EMP2: variants seen among roughly 807,000 people sequenced by gnomAD.
EMP2 encodes the protein epithelial membrane protein 2.
In EMP2, 19 loss-of-function variants were observed where a neutral mutation model predicts 13.7. The observed-to-expected ratio is 1.38, with a 90% CI of 0.97 to 2.03. The LOEUF (loss-of-function observed/expected upper bound fraction) is 2.03, where lower values mean the gene tolerates loss of function less well. Among genes scored for constraint, EMP2 ranks in the 30% most tolerant of loss-of-function variants. EMP2 has a pLI of 0.00. For missense variants in EMP2, 253 were observed against 220.7 expected, an observed-to-expected ratio of 1.15 and a Z score of -0.93; for synonymous variants, 97 against 84.7, an observed-to-expected ratio of 1.15 and a Z score of -0.80.
At chr16:10,578,330 T>G (rs2050998776) in intron 1 of EMP2, 1 of 152,122 alleles carries the variant, frequency 6.6e-6, no homozygotes, top group Non-Finnish European at 1.5e-5. Flanking sequence ...ACGAAGATAT[T>G]ATGTGAGAGG....
At chr16:10,555,487 A>G (rs2050820576) in intron 1 of EMP2, among the ~76,000 whole-genome samples, 1 of 152,246 alleles carries the variant, frequency 6.6e-6, no homozygotes, top group Non-Finnish European at 1.5e-5. Flanking sequence ...TTTGATCTAC[A>G]TAAAATGATG....
At position 10,580,312 on chromosome 16, in the gene EMP2, A is replaced by G. The variant is rs2051018482; in HGVS notation, c.-61+237T>C. Among the ~76,000 whole-genome samples, 1 of 152,118 alleles carries G rather than the reference A, an allele frequency of 6.6e-6. No individual in the cohort carries two copies. The highest frequency in any genetic ancestry group is 2.4e-5 in the African/African-American group (1 of 41,422). On this transcript the variant is annotated intron_variant, in intron 1 of 4. Transcript: ENST00000359543. The surrounding 1 kb of genome is among the most constrained non-coding windows in gnomAD (Gnocchi z 4.3). ...AAACTTTTCCCGCCTGCTTCGGCTC[A>G]AAAGGCGTGGGAAGCTGTCCCGGGA...
chr16:10,547,476 A>G, intron 2 of EMP2, 64 bp downstream of exon 2: 1 of 1,560,888 alleles, frequency 6.4e-7, no homozygotes, highest in South Asian at 1.1e-5. Context: ...ACAGACCAAT[A>G]CAACCCACTT....
rs2050588331 is a variant in EMP2, at chr16:10,530,324, A to G, written c.*2581T>C. On this transcript the variant is annotated 3_prime_UTR_variant, in exon 5 of 5. Transcript: ENST00000359543. ...CTATCTGTCAAAAACAAATGAATGA[A>G]AGAGCAGATGGAAAGAGCCAATCCT... The G allele has an allele frequency of 6.6e-6, 1 of 152,410 alleles. No individual in the cohort carries two copies. Among genetic ancestry groups the G allele is most frequent in the Non-Finnish European group, 1.5e-5 (1 of 68,048 alleles). 9.4% of individuals were successfully genotyped at this position (152,410 alleles called of 1,614,324 possible).
chr16:10,532,848 A>C lies in EMP2; in HGVS notation c.*57T>G. ...CTCAAAAAATAATGATTATATACAA[A>C]ATGGTTATCTGAATGTGGATTCTGT... On this transcript the variant is annotated 3_prime_UTR_variant, in exon 5 of 5. Transcript: ENST00000359543. The C allele has an allele frequency of 2.4e-6, 3 of 1,266,900 alleles. No homozygotes were observed. Among genetic ancestry groups the C allele is most frequent in the Non-Finnish European group, 3.0e-6 (3 of 990,522 alleles). 78.5% of individuals were successfully genotyped at this position (1,266,900 alleles called of 1,614,324 possible). A position where few individuals can be genotyped will look rare whatever the true frequency, so the allele number is the denominator to read the frequency against.
chr16:10,539,982 A>T lies in EMP2; in HGVS notation c.170-1908T>A, dbSNP rs141222388. Among the ~76,000 whole-genome samples, 44 of 152,292 alleles carry T rather than the reference A, an allele frequency of 2.9e-4. No homozygotes were observed. The East Asian group carries it at 8.1e-3, about 28-fold the overall frequency. Reference sequence around the variant, plus strand: ...CTACCATTGTCCTGGAGTGGGCACCAGGAATCTGTATTTTCAGCAACAAGT... The same window carrying T: ...CTACCATTGTCCTGGAGTGGGCACCTGGAATCTGTATTTTCAGCAACAAGT... On this transcript the variant is annotated intron_variant, in intron 3 of 4. Transcript: ENST00000359543.
intron 1 of EMP2, among the ~76,000 whole-genome samples, chr16:10,562,692 A>G (rs529158914): frequency 1.3e-5 from 2 of 152,342 alleles, no homozygotes; most frequent in East Asian, 3.9e-4. Flanking sequence ...GCAAGAGCTA[A>G]CTGATACAGT....
rs2050592274 is a variant in EMP2, at chr16:10,530,690, C to G, written c.*2215G>C. ...CTTAAAATCACCTGGAAATCATTCA[C>G]CCAGACCCTCTGAATCAGCCTGTCC... On this transcript the variant is annotated 3_prime_UTR_variant, in exon 5 of 5. Transcript: ENST00000359543. 1 of 152,462 alleles carries G rather than the reference C, an allele frequency of 6.6e-6. No individual in the cohort carries two copies. Among genetic ancestry groups the G allele is most frequent in the African/African-American group, 2.4e-5 (1 of 41,430 alleles). The allele number at this position is 152,462 out of a possible 1,614,324, so 9.4% of individuals were successfully genotyped here.
intron 1 of EMP2, among the ~76,000 whole-genome samples, chr16:10,570,563 A>T (rs901324568): frequency 1.3e-5 from 2 of 151,964 alleles, no homozygotes; most frequent in Non-Finnish European, 2.9e-5. Context: ...ACACCTGGCT[A>T]ATTTTTGTAT....
intron 3 of EMP2, among the ~76,000 whole-genome samples, chr16:10,540,751 C>T (rs992297662): frequency 2.6e-5 from 4 of 152,008 alleles, no homozygotes; most frequent in African/African-American, 9.7e-5. Context: ...AGCTTCCCTT[C>T]TTTTATGGCA....
chr16:10,551,589 T>C (rs8047335), intron 1 of EMP2, among the ~76,000 whole-genome samples: 14,460 of 152,110 alleles, frequency 0.095, 920 homozygotes, highest in African/African-American at 0.19. Context: ...GCATTTTTAG[T>C]AGAGACAGAG....
intron 1 of EMP2, among the ~76,000 whole-genome samples, chr16:10,556,581 A>G (rs2050829153): frequency 6.6e-6 from 1 of 152,232 alleles, no homozygotes; most frequent in Non-Finnish European, 1.5e-5. Flanking sequence ...GTAGGCAATA[A>G]GGCAGATCCC....
At chr16:10,543,351 G>A (rs1449146965) in intron 3 of EMP2, among the ~76,000 whole-genome samples, 2 of 152,268 alleles carry the variant, frequency 1.3e-5, no homozygotes, top group South Asian at 2.1e-4. Flanking sequence ...CAACTTAGCT[G>A]GAGTTGGTCT....
intron 1 of EMP2, among the ~76,000 whole-genome samples, chr16:10,568,571 A>T (rs1300353908): frequency 6.6e-6 from 1 of 152,102 alleles, no homozygotes; most frequent in East Asian, 1.9e-4. Context: ...AGTCGTTGGT[A>T]CATCTTTATC....
intron 3 of EMP2, among the ~76,000 whole-genome samples, chr16:10,539,333 G>A (rs745336917): frequency 2.6e-5 from 4 of 152,100 alleles, no homozygotes; most frequent in Non-Finnish European, 5.9e-5. Flanking sequence ...TTAATGAAAC[G>A]TCTAGAGCTG....
At chr16:10,558,728 A>G (rs1244435348) in intron 1 of EMP2, among the ~76,000 whole-genome samples, 1 of 151,884 alleles carries the variant, frequency 6.6e-6, no homozygotes, top group Admixed American at 6.6e-5. Context: ...CGTGAGCCCC[A>G]TCCCCTGCTT....
intron 3 of EMP2, among the ~76,000 whole-genome samples, chr16:10,541,678 G>A (rs980811755): frequency 2.6e-5 from 4 of 152,166 alleles, no homozygotes; most frequent in African/African-American, 7.2e-5. Context: ...TAGCATGACA[G>A]AATAACAGAC....
At chr16:10,548,404 T>G (rs150068206) in intron 1 of EMP2, among the ~76,000 whole-genome samples, 383 of 152,006 alleles carry the variant, frequency 2.5e-3, no homozygotes, top group Middle Eastern at 0.01. Context: ...ATAAAATTAA[T>G]CCCCAGCTGG....
rs878927571 is a variant in EMP2, at chr16:10,532,758, C to CTTTTTTTTTTTTTTTTTTTTTTTTTTT, written c.*120_*146dup. ...CTTTTGGATTTTTTTTTTCTTTTTT[C>CTTTTTTTTTTTTTTTTTTTTTTTTTTT]TTTTTTTTTTTTTTTTTTTTTTTTT... On this transcript the variant is annotated 3_prime_UTR_variant, in exon 5 of 5. Transcript: ENST00000359543. 55 of 182,538 alleles carry CTTTTTTTTTTTTTTTTTTTTTTTTTTT rather than the reference C, an allele frequency of 3.0e-4. 1 individual carries two copies. The highest frequency in any genetic ancestry group is 6.2e-4 in the Admixed American group (4 of 6,504). The allele number at this position is 182,538 out of a possible 1,614,324, so 11.3% of individuals were successfully genotyped here. A position where few individuals can be genotyped will look rare whatever the true frequency, so the allele number is the denominator to read the frequency against.
Sources: gnomAD v4.1 joint callset for allele counts (sites outside exome capture counted in the v4.1 genomes callset) on GRCh38, gnomAD v4.1.1 for gene constraint, Gnocchi (gnomAD v3.1) non-coding constraint, MANE v1.5 for transcripts, NCBI Gene and HGNC (gene_info 2026-07-23, HGNC 2026-07-21) for gene names.